Variants in PRKCA observed in about 807,000 individuals in gnomAD.
PRKCA encodes protein kinase C alpha type.
Under a neutral mutation model 87.0 loss-of-function variants are expected in PRKCA, and 27 were observed. The observed-to-expected ratio is 0.31, with a 90% CI of 0.23 to 0.43. PRKCA has a LOEUF of 0.43. Among genes scored for constraint, PRKCA ranks in the 20% least tolerant of loss-of-function variants. The pLI is 1.00. For synonymous variants in PRKCA, 329 were observed against 311.1 expected (o/e 1.06, Z -0.61); for missense variants, 518 against 852.3 (o/e 0.61, Z 4.88).
intron 2 of PRKCA, among the ~76,000 whole-genome samples, chr17:66,308,592 A>G (rs1192946055): frequency 3.3e-5 from 5 of 152,190 alleles, no homozygotes; most frequent in Non-Finnish European, 5.9e-5. Flanking sequence ...TTTACAAATT[A>G]CAGTTCACAG....
chr17:66,512,602 T>G (rs1345949956), intron 3 of PRKCA, among the ~76,000 whole-genome samples: 1 of 152,130 alleles, frequency 6.6e-6, no homozygotes, highest in Non-Finnish European at 1.5e-5. Context: ...GCTGCTGCCC[T>G]GGGCGGTTCC....
intron 2 of PRKCA, among the ~76,000 whole-genome samples, chr17:66,486,611 C>G (rs1915997802): frequency 6.6e-6 from 1 of 152,130 alleles, no homozygotes; most frequent in Non-Finnish European, 1.5e-5. Context: ...TCAACCACAA[C>G]ACTTGGGTGT....
chr17:66,477,737 C>A (rs1915594529), intron 2 of PRKCA, among the ~76,000 whole-genome samples: 1 of 152,248 alleles, frequency 6.6e-6, no homozygotes, highest in African/African-American at 2.4e-5. Flanking sequence ...ATATAATTCA[C>A]GTAATGTACA....
At chr17:66,642,198 C>T (rs938996215) in intron 4 of PRKCA, among the ~76,000 whole-genome samples, 12 of 151,558 alleles carry the variant, frequency 7.9e-5, no homozygotes, top group Non-Finnish European at 1.8e-4. Context: ...GGCGCGATGT[C>T]GGCTCACTGC....
intron 3 of PRKCA, among the ~76,000 whole-genome samples, chr17:66,629,237 G>A (rs1970940789): frequency 6.6e-6 from 1 of 152,160 alleles, no homozygotes; most frequent in African/African-American, 2.4e-5. Flanking sequence ...ACAAATACCA[G>A]CTGCTGGGGA....
rs571948142 is a variant in PRKCA, at chr17:66,478,544, G to A, written c.206-17657G>A. 9.9e-4 allele frequency among the ~76,000 whole-genome samples: 150 copies of A among 152,164 alleles called. 1 individual carries two copies. The highest frequency in any genetic ancestry group is 3.5e-3 in the African/African-American group (144 of 41,524). ...GTTGGGATTACAGGCATGGACCACC[G>A]CGCCCAGCCCATATTCAACTTATTT... On this transcript the variant is annotated intron_variant, in intron 2 of 16. Transcript: ENST00000413366.
chr17:66,782,680 G>C (rs79913361), intron 14 of PRKCA, among the ~76,000 whole-genome samples: 1 of 152,348 alleles, frequency 6.6e-6, no homozygotes, highest in East Asian at 1.9e-4. Context: ...TGTGCAGGCT[G>C]TGAATCAGCC....
At chr17:66,619,802 G>T (rs1000246587) in intron 3 of PRKCA, among the ~76,000 whole-genome samples, 7 of 152,178 alleles carry the variant, frequency 4.6e-5, no homozygotes, top group African/African-American at 1.7e-4. Context: ...GGGAAGAAAA[G>T]GAGGGATGTG....
At chr17:66,332,074 A>G (rs1567775444) in intron 2 of PRKCA, among the ~76,000 whole-genome samples, 1 of 151,830 alleles carries the variant, frequency 6.6e-6, no homozygotes, top group Non-Finnish European at 1.5e-5. Flanking sequence ...ATATTAAGGC[A>G]AAAGAAAACA....
intron 2 of PRKCA, among the ~76,000 whole-genome samples, chr17:66,460,428 G>A (rs191439215): frequency 1.5e-3 from 223 of 152,294 alleles, no homozygotes; most frequent in African/African-American, 5.1e-3. Flanking sequence ...GTTGATAAGC[G>A]AAGGCGTGCC....
intron 3 of PRKCA, among the ~76,000 whole-genome samples, chr17:66,519,868 T>C (rs1488773189): frequency 1.3e-5 from 2 of 152,196 alleles, no homozygotes; most frequent in Admixed American, 1.3e-4. Flanking sequence ...TAGACTATGT[T>C]TCTGGGGCCA....
intron 8 of PRKCA, among the ~76,000 whole-genome samples, chr17:66,717,336 G>A (rs1462518092): frequency 6.6e-6 from 1 of 152,132 alleles, no homozygotes; most frequent in Non-Finnish European, 1.5e-5. Context: ...ACAGTATTTG[G>A]CCCACAAAGC....
chr17:66,679,416 C>A (rs902702554), intron 5 of PRKCA, among the ~76,000 whole-genome samples: 1 of 152,096 alleles, frequency 6.6e-6, no homozygotes, highest in Non-Finnish European at 1.5e-5. Context: ...CTCCTGACCT[C>A]GTGATCCACC....
At chr17:66,456,348 A>G (rs1914573431) in intron 2 of PRKCA, among the ~76,000 whole-genome samples, 1 of 152,142 alleles carries the variant, frequency 6.6e-6, no homozygotes, top group South Asian at 2.1e-4. Flanking sequence ...TCTTTTTAAT[A>G]CCAGGTATAT....
chr17:66,430,325 C>T (rs1913037402), intron 2 of PRKCA, among the ~76,000 whole-genome samples: 1 of 151,862 alleles, frequency 6.6e-6, no homozygotes. Flanking sequence ...GCAGCCTCAG[C>T]CCCCAGCTGA....
At chr17:66,660,598 G>A (rs376368925) in intron 5 of PRKCA, among the ~76,000 whole-genome samples, 1 of 152,086 alleles carries the variant, frequency 6.6e-6, no homozygotes, top group African/African-American at 2.4e-5. Context: ...GGGTTATAAA[G>A]GATAAAACCG....
At chr17:66,422,501 G>GA (rs1912549222) in intron 2 of PRKCA, among the ~76,000 whole-genome samples, 1 of 152,144 alleles carries the variant, frequency 6.6e-6, no homozygotes, top group Admixed American at 6.5e-5. Context: ...AAGGATAAAG[G>GA]AATGCCCTGA....
At chr17:66,443,160 T>C (rs1343704307) in intron 2 of PRKCA, among the ~76,000 whole-genome samples, 2 of 152,200 alleles carry the variant, frequency 1.3e-5, no homozygotes, top group Non-Finnish European at 2.9e-5. Flanking sequence ...AAGTGGTCCA[T>C]GAGGGTCTGG....
intron 2 of PRKCA, among the ~76,000 whole-genome samples, chr17:66,457,656 A>C (rs1914630936): frequency 1.3e-5 from 2 of 152,040 alleles, no homozygotes; most frequent in Non-Finnish European, 2.9e-5. Flanking sequence ...GTGAGTTCTC[A>C]TGAGATTTGA....
Sources: allele counts gnomAD v4.1 joint callset (sites outside exome capture counted in the v4.1 genomes callset), GRCh38; gene constraint gnomAD v4.1.1; transcripts MANE v1.5; gene names NCBI Gene and HGNC (gene_info 2026-07-23, HGNC 2026-07-21).